TRIO: variants seen among roughly 807,000 people sequenced by gnomAD.
TRIO encodes triple functional domain protein.
Under a neutral mutation model 351.9 loss-of-function variants are expected in TRIO, and 58 were observed. The ratio of observed to expected loss-of-function variants is 0.16; its 90% CI spans 0.13 to 0.21. The LOEUF is 0.21. Among genes scored for constraint, TRIO ranks in the 10% least tolerant of loss-of-function variants. The pLI, the probability that TRIO is intolerant of heterozygous loss-of-function variation, is 1.00. For missense variants in TRIO, 3,201 were observed against 4,027.8 expected (o/e 0.79, Z 5.56); for synonymous variants, 1,758 against 1,595.7 (o/e 1.10, Z -2.42).
chr5:14,366,778 G>C lies in TRIO; in HGVS notation c.2755-82G>C, dbSNP rs1744632163. The stretch of plus-strand genomic sequence containing the variant: ...CTGCCAGGAGCAACTGGACTATCTT[G>C]CACGCTTGTATCTCACCCCTGGTGG... On this transcript the variant is annotated intron_variant, in intron 15 of 56. Transcript: ENST00000344204. 3.8e-6 allele frequency: 6 copies of C among 1,590,448 alleles called. No homozygotes were observed. The East Asian group carries it at 1.3e-4, about 36-fold the overall frequency.
chr5:14,415,729 A>G (rs1300386794), intron 33 of TRIO, among the ~76,000 whole-genome samples: 1 of 152,254 alleles, frequency 6.6e-6, no homozygotes, highest in South Asian at 2.1e-4. Flanking sequence ...CAGGAAAGGA[A>G]CCGATTTGAT....
At chr5:14,320,312 A>G (rs948096304) in intron 9 of TRIO, among the ~76,000 whole-genome samples, 3 of 152,194 alleles carry the variant, frequency 2.0e-5, no homozygotes, top group African/African-American at 7.2e-5. Flanking sequence ...TAGTAGTCCA[A>G]AGAGGATGCC....
chr5:14,422,562 G>C (rs991671564), intron 34 of TRIO, among the ~76,000 whole-genome samples: 1 of 152,222 alleles, frequency 6.6e-6, no homozygotes, highest in Non-Finnish European at 1.5e-5. Context: ...CAGCCAAGAA[G>C]GGTCCAGGAT....
At chr5:14,233,316 T>TA (rs35925373) in intron 1 of TRIO, among the ~76,000 whole-genome samples, 9,844 of 109,124 alleles carry the variant, frequency 0.09, 857 homozygotes, top group African/African-American at 0.23. Flanking sequence ...CCTCGTCTCT[T>TA]AAAAAAAAAA....
At chr5:14,366,776 T>C (rs1357093730) in intron 15 of TRIO, 84 bp from the exon 16 acceptor site, 1 of 1,590,130 alleles carries the variant, frequency 6.3e-7, no homozygotes, top group Non-Finnish European at 8.6e-7. Flanking sequence ...CTGGACTATC[T>C]TGCACGCTTG....
intron 10 of TRIO, among the ~76,000 whole-genome samples, chr5:14,335,111 C>T (rs1741275688): frequency 6.6e-6 from 1 of 152,180 alleles, no homozygotes; most frequent in South Asian, 2.1e-4. Flanking sequence ...CCAATTCCAG[C>T]CCAATGCCAA....
At chr5:14,502,744 T>G (rs1233186999) in intron 54 of TRIO, 87 bp downstream of exon 54, 2 of 1,307,468 alleles carry the variant, frequency 1.5e-6, no homozygotes, top group South Asian at 2.5e-5. Context: ...CTAAGCAGTG[T>G]TATCTTGCCA....
intron 1 of TRIO, among the ~76,000 whole-genome samples, chr5:14,231,513 G>A (rs998265382): frequency 2.6e-5 from 4 of 152,168 alleles, no homozygotes; most frequent in Admixed American, 1.3e-4. Flanking sequence ...GAATCAAGTT[G>A]AAAACCTGTT....
chr5:14,165,136 T>C (rs1250872290), intron 1 of TRIO, among the ~76,000 whole-genome samples: 1 of 152,236 alleles, frequency 6.6e-6, no homozygotes, highest in Non-Finnish European at 1.5e-5. Flanking sequence ...TATTTCAACT[T>C]TTATTTTAGA....
At chr5:14,479,866 A>ATTGCCCT in intron 42 of TRIO, 53 bp from the exon 43 acceptor site, 1 of 1,543,796 alleles carries the variant, frequency 6.5e-7, no homozygotes, top group Non-Finnish European at 8.9e-7. Context: ...AGACTAAAAA[A>ATTGCCCT]TTGCCCTTTA....
At position 14,281,210 on chromosome 5, in the gene TRIO, G is replaced by A. The variant is rs180925670; in HGVS notation, c.347+774G>A. Among the ~76,000 whole-genome samples the A allele has an allele frequency of 7.5e-4, 114 of 152,288 alleles. 2 individuals are homozygous for A. The highest frequency in any genetic ancestry group is 3.4e-3 in the Middle Eastern group (1 of 294). ...CGTTTGGGACTGGGTAATTTATAAA[G>A]AAAAGAGGTTTAATTGATTTAATGG... On this transcript the variant is annotated intron_variant, in intron 3 of 56. Coordinates refer to ENST00000344204, the MANE Select transcript of TRIO (RefSeq NM_007118.4).
intron 1 of TRIO, among the ~76,000 whole-genome samples, chr5:14,265,218 G>T (rs1581481198): frequency 6.6e-6 from 1 of 151,656 alleles, no homozygotes; most frequent in Non-Finnish European, 1.5e-5. Flanking sequence ...GGGCTTGGCT[G>T]CTTTTAAAGG....
At chr5:14,276,393 G>C (rs540501877) in intron 2 of TRIO, among the ~76,000 whole-genome samples, 2 of 152,370 alleles carry the variant, frequency 1.3e-5, no homozygotes, top group African/African-American at 4.8e-5. Flanking sequence ...CAGGCAGCAA[G>C]AGGTGAGCCT....
At chr5:14,428,108 G>GTGA (rs1418973253) in intron 34 of TRIO, among the ~76,000 whole-genome samples, 1 of 152,152 alleles carries the variant, frequency 6.6e-6, no homozygotes, top group African/African-American at 2.4e-5. Context: ...TGCCGCAAAG[G>GTGA]TGAATCTGAG....
rs34968826 is a variant in TRIO at position 14,222,142 on chromosome 5, C to CTT, written c.158-48670_158-48669dup. ...AGATGATGTTAGCACTTTTTCTTTT[C>CTT]TTTTTTTTTTTTTTAGCAATAAAGT... On this transcript the variant is annotated intron_variant, in intron 1 of 56. Transcript: ENST00000344204. 1.6e-3 allele frequency among the ~76,000 whole-genome samples: 220 copies of CTT among 141,420 alleles called. 1 individual carries two copies. The highest frequency in any genetic ancestry group is 3.5e-3 in the East Asian group (17 of 4,914). The allele number at this position is 141,420 out of a possible 152,430, so 92.8% of individuals were successfully genotyped here.
chr5:14,330,724 T>G (rs1228979386), intron 9 of TRIO, 54 bp from the exon 10 acceptor site: 7 of 1,590,560 alleles, frequency 4.4e-6, no homozygotes, highest in Admixed American at 1.7e-5. Flanking sequence ...ACCTTAAACA[T>G]TGAACATGGC....
intron 19 of TRIO, among the ~76,000 whole-genome samples, chr5:14,376,172 C>T (rs189522009): frequency 1.3e-5 from 2 of 152,306 alleles, no homozygotes; most frequent in South Asian, 2.1e-4. Flanking sequence ...AAAGTACAGA[C>T]TGCTAGGAAC....
At chr5:14,379,985 C>T (rs982513018) in intron 20 of TRIO, among the ~76,000 whole-genome samples, 2 of 152,160 alleles carry the variant, frequency 1.3e-5, no homozygotes, top group East Asian at 3.9e-4. Flanking sequence ...TCACTGCTCT[C>T]CTTCCTATCT....
chr5:14,210,699 T>A (rs1014448322), intron 1 of TRIO, among the ~76,000 whole-genome samples: 1 of 152,212 alleles, frequency 6.6e-6, no homozygotes, highest in Admixed American at 6.5e-5. Flanking sequence ...GAATCATAGA[T>A]ATCACCCTTA....
Sources: gnomAD v4.1 joint callset for allele counts (sites outside exome capture counted in the v4.1 genomes callset) on GRCh38, gnomAD v4.1.1 for gene constraint, MANE v1.5 for transcripts, NCBI Gene and HGNC (gene_info 2026-07-23, HGNC 2026-07-21) for gene names.